The following RAC1 variants were observed in gnomAD, a reference collection of about 807,000 sequenced individuals.
RAC1 encodes Rac family small GTPase 1.
RAC1 carries 2 observed loss-of-function variants against 25.2 expected under a neutral mutation model. That is an observed-to-expected ratio of 0.08 (90% CI 0.03 to 0.25). The LOEUF (loss-of-function observed/expected upper bound fraction) is 0.25, where lower values mean the gene tolerates loss of function less well. Among genes scored for constraint, RAC1 ranks in the 10% least tolerant of loss-of-function variants. The pLI is 1.00. For synonymous variants in RAC1, 88 were observed against 94.0 expected, an observed-to-expected ratio of 0.94 and a Z score of 0.37; for missense variants, 50 against 235.7, an observed-to-expected ratio of 0.21 and a Z score of 5.16.
chr7:6,401,823 C>G (rs760416389), intron 4 of RAC1, 45 bp from the exon 5 acceptor site: 4 of 1,573,486 alleles, frequency 2.5e-6, no homozygotes, highest in Non-Finnish European at 3.5e-6. Flanking sequence ...TGAAGGACAT[C>G]TGTAAAGGAG....
intron 2 of RAC1, among the ~76,000 whole-genome samples, chr7:6,388,873 C>T (rs1241006789): frequency 1.3e-5 from 2 of 152,104 alleles, no homozygotes; most frequent in Non-Finnish European, 2.9e-5. Flanking sequence ...GAAGCAAAAT[C>T]GTGCCAAATC....
chr7:6,392,955 C>T lies in RAC1; in HGVS notation c.225+914C>T, dbSNP rs543250210. 2.3e-4 allele frequency among the ~76,000 whole-genome samples: 35 copies of T among 152,300 alleles called. No individual in the cohort carries two copies. The South Asian group carries it at 7.3e-3, about 32-fold the overall frequency. ...GGGCACATAGCACACACTGTGGGGC[C>T]AGCCGCTGTCAGAATTCTCCTGTTC... is the stretch of plus-strand genomic sequence containing the variant. On this transcript the variant is annotated intron_variant, in intron 3 of 5. Coordinates refer to ENST00000348035, the MANE Select transcript of RAC1 (RefSeq NM_006908.5).
intron 1 of RAC1, among the ~76,000 whole-genome samples, chr7:6,385,113 AT>A (rs888218401): frequency 1.4e-4 from 21 of 152,198 alleles, no homozygotes; most frequent in African/African-American, 5.1e-4. Context: ...GCCTAAAAAT[AT>A]TTTTTTCAGC....
At chr7:6,398,717 C>T in intron 3 of RAC1, 1 of 1,613,390 alleles carries the variant, frequency 6.2e-7, no homozygotes, top group Non-Finnish European at 8.5e-7. Context: ...AAGCCGATTG[C>T]CGTATGTAAA....
chr7:6,391,053 C>T (rs1029664368), intron 2 of RAC1, among the ~76,000 whole-genome samples: 4 of 152,166 alleles, frequency 2.6e-5, no homozygotes, highest in African/African-American at 4.8e-5. Flanking sequence ...CCTGTCACCA[C>T]GCCCTGGCTA....
intron 1 of RAC1, among the ~76,000 whole-genome samples, chr7:6,380,342 G>GT (rs1209751907): frequency 6.6e-6 from 1 of 150,774 alleles, no homozygotes; most frequent in African/African-American, 2.5e-5. Context: ...ACATAATGTG[G>GT]TTTTTTTTCT....
At chr7:6,391,773 G>T (rs836480) in intron 2 of RAC1, 151 bp from the exon 3 acceptor site, 644,239 of 1,262,744 alleles carry the variant, frequency 0.51, 172,220 homozygotes, top group East Asian at 0.91. Context: ...TGCCCGTGCC[G>T]CCTTCCTCCT....
intron 1 of RAC1, among the ~76,000 whole-genome samples, chr7:6,380,601 G>A (rs144189764): frequency 1.4e-4 from 22 of 152,292 alleles, no homozygotes; most frequent in African/African-American, 5.1e-4. Flanking sequence ...CTTGAAAGGA[G>A]ATGTTTTTGT....
intron 1 of RAC1, among the ~76,000 whole-genome samples, chr7:6,383,203 C>T (rs1477364752): frequency 2.0e-5 from 3 of 152,208 alleles, no homozygotes; most frequent in African/African-American, 7.2e-5. Flanking sequence ...AATACGGCTT[C>T]CATTCTTCAT....
At chr7:6,379,686 G>T (rs1193605820) in intron 1 of RAC1, among the ~76,000 whole-genome samples, 1 of 152,066 alleles carries the variant, frequency 6.6e-6, no homozygotes, top group Non-Finnish European at 1.5e-5. Flanking sequence ...CTGGGATTAT[G>T]GGCGTGAGCC....
intron 4 of RAC1, 99 bp from the exon 5 acceptor site, chr7:6,401,769 G>C: frequency 1.5e-6 from 2 of 1,334,356 alleles, no homozygotes; most frequent in South Asian, 2.8e-5. Context: ...CTTGCCTGAG[G>C]TTAGGTGTCT....
At chr7:6,398,571 A>G (rs780681471) in intron 3 of RAC1, 40 of 1,186,228 alleles carry the variant, frequency 3.4e-5, no homozygotes, top group Non-Finnish European at 4.6e-5. Flanking sequence ...GGTTAAGACA[A>G]AATTCTAATA....
chr7:6,402,165 C>G, intron 5 of RAC1, 138 bp downstream of exon 5: 1 of 1,449,156 alleles, frequency 6.9e-7, no homozygotes, highest in Non-Finnish European at 9.3e-7. Context: ...CTGGCAAGGC[C>G]CTGTGGGTCT....
intron 1 of RAC1, among the ~76,000 whole-genome samples, chr7:6,379,193 C>G (rs1782692332): frequency 6.6e-6 from 1 of 151,206 alleles, no homozygotes; most frequent in Non-Finnish European, 1.5e-5. Context: ...CCTCCACCTC[C>G]TGGGTTCAAG....
chr7:6,400,630 A>T (rs995192707), intron 4 of RAC1, among the ~76,000 whole-genome samples: 1 of 152,016 alleles, frequency 6.6e-6, no homozygotes, highest in African/African-American at 2.4e-5. Context: ...CTGGCCCATC[A>T]GCAGTTTATT....
intron 2 of RAC1, among the ~76,000 whole-genome samples, chr7:6,387,499 G>T (rs1253009079): frequency 6.6e-6 from 1 of 152,108 alleles, no homozygotes; most frequent in East Asian, 1.9e-4. Context: ...GAGGCGGGTG[G>T]ATCAACTGAG....
intron 3 of RAC1, among the ~76,000 whole-genome samples, chr7:6,394,920 T>C (rs1245729684): frequency 6.6e-6 from 1 of 152,156 alleles, no homozygotes; most frequent in African/African-American, 2.4e-5. Context: ...AATGGTGCGA[T>C]CTTGGCTCAC....
chr7:6,399,455 G>A (rs1783337798), intron 3 of RAC1, among the ~76,000 whole-genome samples: 1 of 152,240 alleles, frequency 6.6e-6, no homozygotes, highest in African/African-American at 2.4e-5. Context: ...GAAGCATGCA[G>A]ATGTTTGGCG....
chr7:6,398,100 C>G (rs1168784725), intron 3 of RAC1, among the ~76,000 whole-genome samples: 1 of 152,206 alleles, frequency 6.6e-6, no homozygotes, highest in Non-Finnish European at 1.5e-5. Context: ...TCTGTACATT[C>G]AAACCAGTCT....
Sources: gnomAD v4.1 joint callset for allele counts (sites outside exome capture counted in the v4.1 genomes callset) on GRCh38, gnomAD v4.1.1 for gene constraint, MANE v1.5 for transcripts, NCBI Gene and HGNC (gene_info 2026-07-23, HGNC 2026-07-21) for gene names.